Variants in DIP2C observed in about 807,000 individuals in gnomAD.
DIP2C encodes disco-interacting protein 2 homolog C.
Under a neutral mutation model 192.4 loss-of-function variants are expected in DIP2C, and 33 were observed. The observed-to-expected ratio is 0.17, with a 90% CI of 0.13 to 0.23. The LOEUF (loss-of-function observed/expected upper bound fraction) is 0.23. Ranked by LOEUF, DIP2C falls within the 10% of genes least tolerant of loss-of-function variation. DIP2C has a pLI of 1.00. For missense variants in DIP2C, 1,537 were observed against 2,110.1 expected (o/e 0.73, Z 5.32); for synonymous variants, 979 against 864.1 (o/e 1.13, Z -2.33).
intron 1 of DIP2C, among the ~76,000 whole-genome samples, chr10:507,098 C>T (rs944331292): frequency 1.3e-5 from 2 of 151,740 alleles, no homozygotes; most frequent in South Asian, 2.1e-4. Flanking sequence ...CCGCTGTGCA[C>T]GATGAGAGGT....
At chr10:383,307 T>C (rs780704783) in intron 16 of DIP2C, among the ~76,000 whole-genome samples, 1 of 152,262 alleles carries the variant, frequency 6.6e-6, no homozygotes, top group African/African-American at 2.4e-5. Context: ...CTTTTGTATA[T>C]CAGGCATTAA....
chr10:576,998 A>G (rs1459049034), intron 1 of DIP2C, among the ~76,000 whole-genome samples: 1 of 152,222 alleles, frequency 6.6e-6, no homozygotes, highest in East Asian at 1.9e-4. Context: ...AAAATTCATT[A>G]GCTGGTAGTT....
chr10:555,252 G>A (rs1045422341), intron 1 of DIP2C, among the ~76,000 whole-genome samples: 6 of 151,444 alleles, frequency 4.0e-5, no homozygotes, highest in African/African-American at 9.7e-5. Flanking sequence ...GGAGGTTCAC[G>A]GGCTCTTCTG....
intron 5 of DIP2C, among the ~76,000 whole-genome samples, chr10:419,846 G>C (rs1966058508): frequency 6.6e-6 from 1 of 152,168 alleles, no homozygotes; most frequent in Non-Finnish European, 1.5e-5. Flanking sequence ...GATCGTGTAA[G>C]GCCAATGAGC....
At chr10:481,269 C>T (rs79703170) in intron 2 of DIP2C, among the ~76,000 whole-genome samples, 3,414 of 152,328 alleles carry the variant, frequency 0.022, 127 homozygotes, top group African/African-American at 0.077. Context: ...ATGGCATTTA[C>T]GTACTTAAGA....
At chr10:584,702 C>T (rs1207630385) in intron 1 of DIP2C, among the ~76,000 whole-genome samples, 3 of 108,310 alleles carry the variant, frequency 2.8e-5, no homozygotes, top group Non-Finnish European at 5.6e-5. Context: ...ACCTCTCAAT[C>T]TCGGGGCCCG....
At chr10:386,152 G>C (rs1169721546) in intron 14 of DIP2C, among the ~76,000 whole-genome samples, 1 of 152,196 alleles carries the variant, frequency 6.6e-6, no homozygotes, top group East Asian at 1.9e-4. Context: ...CTAATGACGA[G>C]AGTGACTAAC....
At chr10:396,436 AAAT>A (rs1427037268) in intron 10 of DIP2C, among the ~76,000 whole-genome samples, 1 of 152,242 alleles carries the variant, frequency 6.6e-6, no homozygotes, top group African/African-American at 2.4e-5. Flanking sequence ...GGATAAATAC[AAAT>A]TATTAAAGTG....
chr10:570,376 G>C (rs550069161), intron 1 of DIP2C, among the ~76,000 whole-genome samples: 1 of 152,174 alleles, frequency 6.6e-6, no homozygotes, highest in South Asian at 2.1e-4. Context: ...GCCTGGGCAT[G>C]ACCCCCAACC....
intron 28 of DIP2C, among the ~76,000 whole-genome samples, chr10:344,398 GC>G: frequency 9.2e-6 from 1 of 108,524 alleles, no homozygotes; most frequent in Non-Finnish European, 1.9e-5. Context: ...CGGGGGCGGG[GC>G]GGGGGGGGGT....
chr10:278,832 T>A (rs545671060), intron 36 of DIP2C, among the ~76,000 whole-genome samples: 1 of 152,280 alleles, frequency 6.6e-6, no homozygotes, highest in East Asian at 1.9e-4. Context: ...GCCCTGACAT[T>A]CACAGAGCCT....
At chr10:522,716 A>G (rs1242165413) in intron 1 of DIP2C, among the ~76,000 whole-genome samples, 1 of 152,170 alleles carries the variant, frequency 6.6e-6, no homozygotes, top group Non-Finnish European at 1.5e-5. Flanking sequence ...CCATTTTTTC[A>G]TCAGGTGGTT....
chr10:396,479 T>C (rs1564658713), intron 10 of DIP2C, among the ~76,000 whole-genome samples: 1 of 152,316 alleles, frequency 6.6e-6, no homozygotes, highest in Non-Finnish European at 1.5e-5. Context: ...CGAATAACAA[T>C]GATAAATGTT....
intron 32 of DIP2C, among the ~76,000 whole-genome samples, chr10:289,090 T>C (rs766542265): frequency 5.3e-5 from 8 of 152,218 alleles, no homozygotes; most frequent in Non-Finnish European, 1.2e-4. Flanking sequence ...TAGTGGACCA[T>C]CACACTCTTC....
chr10:283,170 C>G, intron 35 of DIP2C, 102 bp downstream of exon 35: 1 of 1,473,556 alleles, frequency 6.8e-7, no homozygotes, highest in East Asian at 2.3e-5. Context: ...ACGTGCCCTC[C>G]TGGCTTTGGC....
chr10:309,568 T>G (rs1394234776), intron 32 of DIP2C, among the ~76,000 whole-genome samples: 1 of 150,634 alleles, frequency 6.6e-6, no homozygotes, highest in Non-Finnish European at 1.5e-5. Context: ...TTCTTTTTTT[T>G]TTTTTTTTGA....
chr10:386,224 G>C (rs567366449), intron 14 of DIP2C, among the ~76,000 whole-genome samples: 64 of 152,344 alleles, frequency 4.2e-4, no homozygotes, highest in African/African-American at 1.5e-3. Flanking sequence ...TGCGTCAAAC[G>C]TGTAGGTGGA....
chr10:629,500 G>A (rs1360599037), intron 1 of DIP2C, among the ~76,000 whole-genome samples: 1 of 152,206 alleles, frequency 6.6e-6, no homozygotes, highest in Admixed American at 6.5e-5. Context: ...CTGCATAGGT[G>A]GACACATGGT....
rs1857117223 is a variant in DIP2C, at chr10:666,626, TGGCCTGTCTGCCCGTGGCCTGTCTGCGC to T, written c.85+22840_85+22867del. The T allele has an allele frequency of 8.1e-5, 1 of 12,336 alleles. No individual in the cohort carries two copies. The highest frequency in any genetic ancestry group is 8.3e-4 in the Non-Finnish European group (1 of 1,200). The allele number at this position is 12,336 out of a possible 1,614,324, so 0.8% of individuals were successfully genotyped here. A position where few individuals can be genotyped will look rare whatever the true frequency, so the allele number is the denominator to read the frequency against. On this transcript the variant is annotated intron_variant, in intron 1 of 36. Coordinates refer to ENST00000280886, the MANE Select transcript of DIP2C (RefSeq NM_014974.3). This position sits in a 1 kb window ranked among gnomAD's most constrained non-coding sequence, Gnocchi z 4.1. ...TGTCTGCCCGTGGCCTGTCTGCCCG[TGGCCTGTCTGCCCGTGGCCTGTCTGCGC>T]ACAGCTATTAAAAGTTCAATAAACG...
Sources: allele counts gnomAD v4.1 joint callset (sites outside exome capture counted in the v4.1 genomes callset), GRCh38; gene constraint gnomAD v4.1.1; non-coding constraint Gnocchi (gnomAD v3.1); transcripts MANE v1.5; gene names NCBI Gene and HGNC (gene_info 2026-07-23, HGNC 2026-07-21).